The following IRAG1 variants were observed in gnomAD, a reference collection of about 807,000 sequenced individuals.
The protein encoded by IRAG1 is inositol 1,4,5-triphosphate receptor associated 1.
IRAG1 carries 62 observed loss-of-function variants against 106.2 expected under a neutral mutation model. The observed-to-expected ratio is 0.58, with a 90% CI of 0.48 to 0.72. The LOEUF is 0.72. IRAG1 is among the 30% of genes least tolerant of loss of function. The pLI is 0.00. For synonymous variants in IRAG1, 462 were observed against 443.9 expected (o/e 1.04, Z -0.51); for missense variants, 1,064 against 1,140.7 (o/e 0.93, Z 0.97).
intron 1 of IRAG1, among the ~76,000 whole-genome samples, chr11:10,690,707 G>A (rs1199417862): frequency 1.3e-5 from 2 of 152,150 alleles, no homozygotes; most frequent in Non-Finnish European, 2.9e-5. Flanking sequence ...CGCCCGCTTT[G>A]GACCAAGGTG....
rs201972670 is a variant in IRAG1, at chr11:10,580,602, AAG to A, written c.2361-15_2361-14del. ...ACCTTCTTGGAATCTGGGGGGCAAA[AAG>A]GAACAGTTGAGTCTGGAAAGGGCAG... On this transcript the variant is annotated splice_polypyrimidine_tract_variant and intron_variant, in intron 19 of 20. Coordinates refer to ENST00000423302, the MANE Select transcript of IRAG1 (RefSeq NM_130385.4). 1.7e-3 allele frequency: 2,797 copies of A among 1,612,064 alleles called. 47 individuals are homozygous for A. The African/African-American group carries it at 0.032, about 18-fold the overall frequency.
chr11:10,580,301 C>T (rs996877027), intron 20 of IRAG1, among the ~76,000 whole-genome samples, 154 bp downstream of exon 20: 2 of 152,232 alleles, frequency 1.3e-5, no homozygotes, highest in Non-Finnish European at 2.9e-5. Flanking sequence ...TCCTTCCCAA[C>T]ATGTGTGCCC....
chr11:10,576,527 C>G lies in IRAG1; in HGVS notation c.2544G>C (p.Leu848=). The G allele has an allele frequency of 6.2e-7, 1 of 1,614,018 alleles. No homozygotes were observed. The change falls in exon 21 of 21, where the codon CTG becomes CTC. Residue 848 remains leucine (L), a synonymous_variant. Transcript: ENST00000423302. ...VHFLQVMYPK[L]CQHWQVIWMM... ...TCCAGATCACTTGCCAGTGCTGACA[C>G]AGTTTGGGATACATGACTTGTAAGA...
chr11:10,676,712 C>T (rs950980822), intron 1 of IRAG1, among the ~76,000 whole-genome samples: 5 of 152,166 alleles, frequency 3.3e-5, no homozygotes, highest in African/African-American at 4.8e-5. Flanking sequence ...GGGATGAGAC[C>T]GTGGATCCAG....
intron 2 of IRAG1, among the ~76,000 whole-genome samples, chr11:10,649,729 G>T (rs1400066026): frequency 6.6e-6 from 1 of 152,166 alleles, no homozygotes; most frequent in African/African-American, 2.4e-5. Context: ...TCTAGAGGTT[G>T]CCACAATGGG....
intron 3 of IRAG1, 135 bp from the exon 4 acceptor site, chr11:10,632,196 T>A: frequency 1.5e-6 from 1 of 683,488 alleles, no homozygotes; most frequent in East Asian, 2.8e-5. Flanking sequence ...CTTTCTTTTT[T>A]TTTTTTTTTG....
intron 10 of IRAG1, among the ~76,000 whole-genome samples, chr11:10,623,284 G>A (rs1855979422): frequency 6.6e-6 from 1 of 152,168 alleles, no homozygotes; most frequent in African/African-American, 2.4e-5. Context: ...CAGTGCGGGG[G>A]CTGAAGCCTC....
chr11:10,626,821 G>A (rs1856281394), intron 8 of IRAG1, among the ~76,000 whole-genome samples: 1 of 152,238 alleles, frequency 6.6e-6, no homozygotes, highest in African/African-American at 2.4e-5. Context: ...CCAAGGGATA[G>A]GAGCTGAGGA....
chr11:10,682,146 T>C (rs555385134), intron 1 of IRAG1, among the ~76,000 whole-genome samples: 1 of 152,252 alleles, frequency 6.6e-6, no homozygotes, highest in East Asian at 1.9e-4. Flanking sequence ...TGCAAAAATA[T>C]GAGATAATGT....
intron 18 of IRAG1, among the ~76,000 whole-genome samples, chr11:10,591,154 T>C (rs979960036): frequency 6.6e-6 from 1 of 152,138 alleles, no homozygotes; most frequent in Non-Finnish European, 1.5e-5. Flanking sequence ...TAACATACAA[T>C]GTGGCCAGAG....
intron 12 of IRAG1, 150 bp from the exon 13 acceptor site, chr11:10,604,695 T>G: frequency 1.0e-6 from 1 of 965,040 alleles, no homozygotes; most frequent in South Asian, 1.6e-5. Flanking sequence ...AAACGCTCAC[T>G]TCACAGGAAA....
At chr11:10,669,858 A>G (rs1363017438) in intron 1 of IRAG1, among the ~76,000 whole-genome samples, 1 of 152,220 alleles carries the variant, frequency 6.6e-6, no homozygotes, top group Non-Finnish European at 1.5e-5. Context: ...ATTTCCCAGC[A>G]GGTGATTTAT....
Position 10,580,502 on chromosome 11 carries a change from AG to A in IRAG1, c.2447del (p.Pro816LeufsTer4), listed in dbSNP as rs1275773879. On this transcript the variant is annotated frameshift_variant, in exon 20 of 21. Coordinates refer to ENST00000423302, the MANE Select transcript of IRAG1 (RefSeq NM_130385.4). LOFTEE classifies it high-confidence loss of function. Reference sequence around the variant, plus strand: ...CTTCCTCAGTTTCTTCTACCTCTTCAGGTTCCTCAGGACTCTCACTCTTCTG... The same window carrying A: ...CTTCCTCAGTTTCTTCTACCTCTTCAGTTCCTCAGGACTCTCACTCTTCTG... Reference protein sequence around the residue: ...EEQKSESPEEPEEVEETEEEE... With the variant: ...EEQKSESPEEXEEVEETEEEE... 2.5e-6 allele frequency: 4 copies of A among 1,613,682 alleles called. No individual in the cohort carries two copies. The highest frequency in any genetic ancestry group is 2.5e-6 in the Non-Finnish European group (3 of 1,179,808).
In IRAG1 at chr11:10,657,413, G is replaced by A. The variant is rs970904513; in HGVS notation, c.68-5231C>T. On this transcript the variant is annotated intron_variant, in intron 1 of 20. Transcript: ENST00000423302. The surrounding 1 kb of genome is among the most constrained non-coding windows in gnomAD (Gnocchi z 4.1). ...TGGCGCCAAAGATGCCTCTCCCAGA[G>A]CCTTGCAACCTGCCTAGGAGAGACC... Among the ~76,000 whole-genome samples the A allele has an allele frequency of 2.0e-5, 3 of 152,116 alleles. No homozygotes were observed. The highest frequency in any genetic ancestry group is 6.6e-5 in the Admixed American group (1 of 15,264).
chr11:10,585,945 C>G (rs1851923198), intron 18 of IRAG1: 1 of 151,132 alleles, frequency 6.6e-6, no homozygotes, highest in Non-Finnish European at 1.5e-5. Flanking sequence ...CCCCACCTTT[C>G]TTTCAATAGA....
At chr11:10,634,468 G>A (rs1283873423) in intron 2 of IRAG1, among the ~76,000 whole-genome samples, 2 of 152,118 alleles carry the variant, frequency 1.3e-5, no homozygotes, top group Admixed American at 6.5e-5. Context: ...TACAGTCACC[G>A]TGCTGTACGT....
intron 1 of IRAG1, among the ~76,000 whole-genome samples, chr11:10,683,920 T>C (rs1462739006): frequency 6.6e-6 from 1 of 151,972 alleles, no homozygotes; most frequent in Non-Finnish European, 1.5e-5. Context: ...TTTCAAAATA[T>C]TATTTCATCT....
intron 2 of IRAG1, among the ~76,000 whole-genome samples, chr11:10,635,617 C>G (rs904237153): frequency 2.0e-5 from 3 of 152,234 alleles, no homozygotes; most frequent in East Asian, 1.9e-4. Context: ...AGGGAGGAGG[C>G]CTGCTCTCCT....
chr11:10,662,238 C>G (rs1238984276), intron 1 of IRAG1, among the ~76,000 whole-genome samples: 4 of 152,162 alleles, frequency 2.6e-5, no homozygotes, highest in Admixed American at 2.6e-4. Context: ...GAAACCCCAT[C>G]TCTACTAAAA....
Sources: allele counts gnomAD v4.1 joint callset (sites outside exome capture counted in the v4.1 genomes callset), GRCh38; gene constraint gnomAD v4.1.1; non-coding constraint Gnocchi (gnomAD v3.1); transcripts MANE v1.5; gene names NCBI Gene and HGNC (gene_info 2026-07-23, HGNC 2026-07-21).